SIPA1L2: variants seen among roughly 807,000 people sequenced by gnomAD.
SIPA1L2 encodes signal induced proliferation associated 1 like 2, also known as signal-induced proliferation-associated 1-like protein 2.
SIPA1L2 carries 56 observed loss-of-function variants against 163.9 expected under a neutral mutation model. That is an observed-to-expected ratio of 0.34 (90% confidence interval 0.28 to 0.43). The LOEUF (loss-of-function observed/expected upper bound fraction) is 0.43, where lower values mean the gene tolerates loss of function less well. Among genes scored for constraint, SIPA1L2 ranks in the 20% least tolerant of loss-of-function variants. The pLI is 1.00. For missense variants in SIPA1L2, 1,974 were observed against 2,193.5 expected, an observed-to-expected ratio of 0.90 and a Z score of 2.00; for synonymous variants, 877 against 865.7, an observed-to-expected ratio of 1.01 and a Z score of -0.23.
At chr1:232,485,771 A>T (rs555654530) in intron 5 of SIPA1L2, among the ~76,000 whole-genome samples, 2 of 152,290 alleles carry the variant, frequency 1.3e-5, no homozygotes, top group South Asian at 4.1e-4. Flanking sequence ...CTTCTCTTTC[A>T]CTGTGAGAAG....
At chr1:232,524,302 T>C (rs1161823183) in intron 2 of SIPA1L2, among the ~76,000 whole-genome samples, 1 of 152,074 alleles carries the variant, frequency 6.6e-6, no homozygotes, top group East Asian at 1.9e-4. Flanking sequence ...AAAACAATAG[T>C]ATACCACTTC....
chr1:232,482,704 C>T (rs550023737), intron 6 of SIPA1L2, among the ~76,000 whole-genome samples: 2 of 152,244 alleles, frequency 1.3e-5, no homozygotes, highest in Admixed American at 6.5e-5. Flanking sequence ...TAGGCACCAC[C>T]CTCATCCAGA....
At chr1:232,411,166 A>C (rs1438370643) in intron 19 of SIPA1L2, among the ~76,000 whole-genome samples, 1 of 152,176 alleles carries the variant, frequency 6.6e-6, no homozygotes, top group Non-Finnish European at 1.5e-5. Context: ...AATACTGTAC[A>C]TTTACATATT....
intron 1 of SIPA1L2, among the ~76,000 whole-genome samples, chr1:232,625,968 GA>G (rs929889568): frequency 6.6e-6 from 1 of 152,108 alleles, no homozygotes; most frequent in African/African-American, 2.4e-5. Context: ...CCATGCAAAA[GA>G]AAAAAGTGTC....
chr1:232,613,843 A>T (rs1662373558), intron 1 of SIPA1L2, among the ~76,000 whole-genome samples: 1 of 152,228 alleles, frequency 6.6e-6, no homozygotes, highest in African/African-American at 2.4e-5. Context: ...TCTGAGCAAC[A>T]GGAAGCTAGG....
Position 232,563,956 on chromosome 1 carries a change from C to CGTGTGTGTGT in SIPA1L2, c.-270+10208_-270+10217dup, listed in dbSNP as rs34854572. Among the ~76,000 whole-genome samples the CGTGTGTGTGT allele has an allele frequency of 4.2e-4, 30 of 72,206 alleles. 2 individuals carry two copies. Among genetic ancestry groups the CGTGTGTGTGT allele is most frequent in the African/African-American group, 1.7e-3 (22 of 12,914 alleles). The allele number at this position is 72,206 out of a possible 152,430, so 47.4% of individuals were successfully genotyped here. A position where few individuals can be genotyped will look rare whatever the true frequency, so the allele number is the denominator to read the frequency against. On this transcript the variant is annotated intron_variant, in intron 2 of 22. Transcript: ENST00000674635. ...ACGACAAAGGTTTGTTTTTTTTTTT[C>CGTGTGTGTGT]GTGTGTGTGTGTGTGTGTGTGTGTG...
chr1:232,500,805 G>A (rs757430053), intron 3 of SIPA1L2, among the ~76,000 whole-genome samples: 3 of 152,114 alleles, frequency 2.0e-5, no homozygotes, highest in Non-Finnish European at 1.5e-5. Flanking sequence ...TTTGAAAGAC[G>A]TTCTACTGTG....
chr1:232,442,428 A>G (rs56339416), intron 12 of SIPA1L2, among the ~76,000 whole-genome samples: 24,502 of 151,486 alleles, frequency 0.16, 2,276 homozygotes, highest in Non-Finnish European at 0.21. Flanking sequence ...AGCGCCTGTA[A>G]TCCCAGCTAC....
At chr1:232,464,093 A>G (rs1664386494) in intron 9 of SIPA1L2, among the ~76,000 whole-genome samples, 1 of 152,208 alleles carries the variant, frequency 6.6e-6, no homozygotes, top group Non-Finnish European at 1.5e-5. Flanking sequence ...CACACAAGAA[A>G]TTCTATTGTC....
At chr1:232,600,483 G>A (rs1266620157) in intron 1 of SIPA1L2, among the ~76,000 whole-genome samples, 12 of 152,192 alleles carry the variant, frequency 7.9e-5, no homozygotes, top group Admixed American at 5.2e-4. Flanking sequence ...TGAAAGTTAT[G>A]AGTGTGAAGG....
At chr1:232,415,347 G>T in intron 19 of SIPA1L2, 147 bp downstream of exon 19, 2 of 970,048 alleles carry the variant, frequency 2.1e-6, no homozygotes, top group Non-Finnish European at 2.9e-6. Flanking sequence ...GCCAGCCCCT[G>T]CTTGTTTTCA....
intron 3 of SIPA1L2, among the ~76,000 whole-genome samples, chr1:232,494,716 T>C (rs977918648): frequency 2.6e-5 from 4 of 152,196 alleles, no homozygotes; most frequent in African/African-American, 9.7e-5. Flanking sequence ...TATGGTCCAA[T>C]ACACAAAATA....
chr1:232,629,921 G>A lies in SIPA1L2; in HGVS notation c.-371C>T, dbSNP rs1663296699. The stretch of plus-strand genomic sequence containing the variant: ...CTACAGCCTGTGCGCGCCGGGCGGC[G>A]CGTACCCGGGCTGCCGCCTCGCCGC... On this transcript the variant is annotated 5_prime_UTR_variant, in exon 1 of 23. Transcript: ENST00000674635. Among the ~76,000 whole-genome samples, 2 of 150,902 alleles carry A rather than the reference G, an allele frequency of 1.3e-5. No individual in the cohort carries two copies. The highest frequency in any genetic ancestry group is 2.1e-4 in the South Asian group (1 of 4,818).
At chr1:232,410,530 G>C (rs1660887555) in intron 19 of SIPA1L2, among the ~76,000 whole-genome samples, 1 of 150,490 alleles carries the variant, frequency 6.6e-6, no homozygotes, top group African/African-American at 2.4e-5. Context: ...CAAGAAGGCT[G>C]CTTCTGAATT....
In SIPA1L2 at chr1:232,443,594, A is replaced by G. The variant is rs373771209; in HGVS notation, c.3437+8T>C. ...CCAGTGGATAACTAAGATAAAAATGAACAGTACCCGTCGTAGCCCACTTGT... is the reference window on the plus strand; with the variant it reads ...CCAGTGGATAACTAAGATAAAAATGGACAGTACCCGTCGTAGCCCACTTGT... On this transcript the variant is annotated splice_region_variant and intron_variant, in intron 12 of 22. Transcript: ENST00000674635. 7.6e-5 allele frequency: 119 copies of G among 1,573,788 alleles called. No individual in the cohort carries two copies. In the African/African-American group the frequency reaches 1.5e-3, roughly 20 times the overall value.
chr1:232,630,165 C>T (rs1573201782), upstream of SIPA1L2, among the ~76,000 whole-genome samples: 1 of 151,530 alleles, frequency 6.6e-6, no homozygotes, highest in South Asian at 2.1e-4. Flanking sequence ...ACCGCCCGCC[C>T]GCCCAGCGGC....
At position 232,425,673 on chromosome 1, in the gene SIPA1L2, C is replaced by T. The variant is rs377564033; in HGVS notation, c.4546G>A (p.Asp1516Asn). 2.5e-5 allele frequency: 41 copies of T among 1,613,568 alleles called. No individual in the cohort carries two copies. The highest frequency in any genetic ancestry group is 5.3e-5 in the African/African-American group (4 of 74,908). The change falls in exon 18 of 23, where the codon GAC (aspartate) becomes AAC (asparagine). Residue 1516 changes from aspartate (D) to asparagine (N), a missense_variant. Transcript: ENST00000674635. ...SSVLDQALPNDILFSTTPPYH... is the reference protein window; with the variant it reads ...SSVLDQALPNNILFSTTPPYH... ...GGTGGGGTGGTGCTGAACAGAATGT[C>T]GTTGGGCAGGGCCTGGTCAAGCACG... is the stretch of plus-strand genomic sequence containing the variant.
chr1:232,425,814 G>A lies in SIPA1L2; in HGVS notation c.4411-6C>T. 6.2e-7 allele frequency: 1 copy of A among 1,612,282 alleles called. No homozygotes were observed. Among genetic ancestry groups the A allele is most frequent in the Non-Finnish European group, 8.5e-7 (1 of 1,178,742 alleles). On this transcript the variant is annotated splice_polypyrimidine_tract_variant and splice_region_variant and intron_variant, in intron 17 of 22. Transcript: ENST00000674635. ...AGGTTCCCATAGAACGAAAACTAGG[G>A]TTTAAACAAGGTGCGAGGAGGGAAC...
chr1:232,543,527 A>G (rs1657822338), intron 2 of SIPA1L2, among the ~76,000 whole-genome samples: 1 of 152,044 alleles, frequency 6.6e-6, no homozygotes, highest in South Asian at 2.1e-4. Context: ...ACGTTTTTAC[A>G]TTTTCTTTTC....
Sources: gnomAD v4.1 joint callset for allele counts (sites outside exome capture counted in the v4.1 genomes callset) on GRCh38, gnomAD v4.1.1 for gene constraint, MANE v1.5 for transcripts, NCBI Gene and HGNC (gene_info 2026-07-23, HGNC 2026-07-21) for gene names.